The following BCAS3 variants were observed in gnomAD, a reference collection of about 807,000 sequenced individuals.
BCAS3 encodes the protein BCAS3 microtubule associated cell migration factor.
In BCAS3, 53 loss-of-function variants were observed where a neutral mutation model predicts 116.1. The observed-to-expected ratio is 0.46, with a 90% CI of 0.37 to 0.57. The LOEUF (loss-of-function observed/expected upper bound fraction) is 0.57. BCAS3 is among the 20% of genes least tolerant of loss of function. BCAS3 has a pLI of 0.00. For missense variants in BCAS3, 917 were observed against 1,165.4 expected (o/e 0.79, Z 3.10); for synonymous variants, 391 against 408.2 (o/e 0.96, Z 0.51).
intron 22 of BCAS3, among the ~76,000 whole-genome samples, chr17:61,123,027 C>T (rs150673461): frequency 2.9e-3 from 433 of 151,752 alleles, no homozygotes; most frequent in Non-Finnish European, 4.3e-3. Context: ...CTGCAACCTC[C>T]TCCTCCCTGG....
At chr17:61,369,673 C>G (rs576878724) in intron 23 of BCAS3, among the ~76,000 whole-genome samples, 4 of 152,190 alleles carry the variant, frequency 2.6e-5, no homozygotes, top group Non-Finnish European at 4.4e-5. Context: ...CCGTGGTGCT[C>G]CTGTAATAAC....
intron 22 of BCAS3, among the ~76,000 whole-genome samples, chr17:61,280,711 T>C (rs983237818): frequency 1.3e-5 from 2 of 152,232 alleles, no homozygotes; most frequent in African/African-American, 4.8e-5. Flanking sequence ...GTTGTGTGTG[T>C]GTTCAGCAAG....
chr17:60,804,855 TTTAG>T (rs1269084423), intron 6 of BCAS3, among the ~76,000 whole-genome samples: 2 of 152,146 alleles, frequency 1.3e-5, no homozygotes, highest in African/African-American at 2.4e-5. Flanking sequence ...TGTAGTTAAA[TTTAG>T]TTATATAGTC....
At position 61,248,688 on chromosome 17, in the gene BCAS3, G is replaced by A. The variant is rs1404061329; in HGVS notation, c.2426-119639G>A. On this transcript the variant is annotated intron_variant, in intron 22 of 23. Transcript: ENST00000407086. The surrounding 1 kb of genome is among the most constrained non-coding windows in gnomAD (Gnocchi z 4.3). Reference sequence around the variant, plus strand: ...AGCTTTGTGGCAGATGACCAACCCTGATAGCCTGATTTTTAAGGCCCCTAA... The same window carrying A: ...AGCTTTGTGGCAGATGACCAACCCTAATAGCCTGATTTTTAAGGCCCCTAA... Among the ~76,000 whole-genome samples the A allele has an allele frequency of 6.6e-6, 1 of 152,136 alleles. No individual in the cohort carries two copies. Among genetic ancestry groups the A allele is most frequent in the African/African-American group, 2.4e-5 (1 of 41,424 alleles).
intron 22 of BCAS3, among the ~76,000 whole-genome samples, chr17:61,263,732 AT>A (rs1488979156): frequency 6.6e-6 from 1 of 152,234 alleles, no homozygotes; most frequent in Non-Finnish European, 1.5e-5. Context: ...ATTAACATGT[AT>A]TATAAAGCTG....
chr17:61,254,687 G>A (rs1273998272), intron 22 of BCAS3, among the ~76,000 whole-genome samples: 1 of 145,672 alleles, frequency 6.9e-6, no homozygotes, highest in African/African-American at 2.6e-5. Context: ...TGAGGTAAGA[G>A]AATCACTTGA....
intron 6 of BCAS3, among the ~76,000 whole-genome samples, 188 bp downstream of exon 6, chr17:60,747,467 C>A (rs1243688267): frequency 6.6e-6 from 1 of 152,208 alleles, no homozygotes; most frequent in Non-Finnish European, 1.5e-5. Flanking sequence ...TTAACCAATT[C>A]AATATGGCCA....
At position 60,889,706 on chromosome 17, in the gene BCAS3, T is replaced by C. The variant is rs1237716582; in HGVS notation, c.673T>C (p.Cys225Arg). 1 of 1,613,132 alleles carries C rather than the reference T, an allele frequency of 6.2e-7. No individual in the cohort carries two copies. Among genetic ancestry groups the C allele is most frequent in the Non-Finnish European group, 8.5e-7 (1 of 1,179,838 alleles). ...TTGAAATTTTTCAGGCTGCTATCCATGTCCAGGGCCAAACATGAATCCTAT... is the reference window on the plus strand; with the variant it reads ...TTGAAATTTTTCAGGCTGCTATCCACGTCCAGGGCCAAACATGAATCCTAT... ...KKFFVTSCYPCPGPNMNPIAL... is the reference protein window; with the variant it reads ...KKFFVTSCYPRPGPNMNPIAL... The change falls in exon 10 of 24, where the codon TGT (cysteine) becomes CGT (arginine). Residue 225 changes from cysteine (C) to arginine (R), a missense_variant. Physicochemically the swap from Cys to Arg is radical, Grantham distance 180. Around this residue, in one of 3 missense-constraint regions of BCAS3, gnomAD observed 807 missense variants for 1,026.0 expected, o/e 0.79. Transcript: ENST00000407086.
intron 6 of BCAS3, among the ~76,000 whole-genome samples, chr17:60,784,725 C>T (rs2046139366): frequency 6.6e-6 from 1 of 152,154 alleles, no homozygotes. Flanking sequence ...ATACATGCTA[C>T]TGTGCCTGGT....
intron 7 of BCAS3, among the ~76,000 whole-genome samples, chr17:60,866,807 C>A (rs1379375255): frequency 1.3e-5 from 2 of 152,038 alleles, no homozygotes; most frequent in Non-Finnish European, 2.9e-5. Flanking sequence ...TTTTTGAACA[C>A]TTTGACCAGA....
intron 12 of BCAS3, 89 bp from the exon 13 acceptor site, chr17:60,924,318 G>A: frequency 9.7e-7 from 1 of 1,032,142 alleles, no homozygotes; most frequent in South Asian, 1.3e-5. Flanking sequence ...TATTTGGTCA[G>A]TGGTTTGTGA....
chr17:61,095,844 TACACAC>T lies in BCAS3; in HGVS notation c.2425+11304_2425+11309del, dbSNP rs10671633. ...AAAACCACTGGTATGCATATTCTCG[TACACAC>T]ACACACACACACACACACACACATT... is the stretch of plus-strand genomic sequence containing the variant. On this transcript the variant is annotated intron_variant, in intron 22 of 23. Coordinates refer to ENST00000407086, the MANE Select transcript of BCAS3 (RefSeq NM_017679.5). This position sits in a 1 kb window ranked among gnomAD's most constrained non-coding sequence, Gnocchi z 4.7. 4.8e-5 allele frequency among the ~76,000 whole-genome samples: 7 copies of T among 146,272 alleles called. No individual in the cohort carries two copies. The highest frequency in any genetic ancestry group is 7.5e-5 in the African/African-American group (3 of 39,968).
chr17:61,368,461 T>G lies in BCAS3; in HGVS notation c.2560T>G (p.Ser854Ala), dbSNP rs1216011997. ...GCGACTTGCCGACGCCATGGCCGAG[T>G]CACCTAGCCGGGACGTCGTGGGATC... ...RERLADAMAE[S>A]PSRDVVGSGT... is the part of the protein sequence containing the mutation. Residue 854 changes from serine to alanine, a missense_variant, in exon 23 of 24, where the codon TCA (serine) becomes GCA (alanine). Ser to Ala is a moderately conservative substitution (Grantham distance 99). Around this residue, in one of 3 missense-constraint regions of BCAS3, gnomAD observed 109 missense variants for 122.8 expected, o/e 0.89. Transcript: ENST00000407086. The surrounding 1 kb of genome is among the most constrained non-coding windows in gnomAD (Gnocchi z 6.0). 1 of 1,610,902 alleles carries G rather than the reference T, an allele frequency of 6.2e-7. No homozygotes were observed.
At chr17:60,831,326 G>C (rs1395682131) in intron 7 of BCAS3, among the ~76,000 whole-genome samples, 1 of 151,796 alleles carries the variant, frequency 6.6e-6, no homozygotes, top group South Asian at 2.1e-4. Flanking sequence ...ACAGGCGCGT[G>C]CCACCACGCC....
chr17:61,324,330 T>C lies in BCAS3; in HGVS notation c.2426-43997T>C, dbSNP rs2055555449. Among the ~76,000 whole-genome samples, 1 of 152,178 alleles carries C rather than the reference T, an allele frequency of 6.6e-6. No homozygotes were observed. The highest frequency in any genetic ancestry group is 2.4e-5 in the African/African-American group (1 of 41,430). ...TGTGAGGTGATCACACAGAGGATAC[T>C]AGAACTAGGATTAGACTAAGGCAGA... On this transcript the variant is annotated intron_variant, in intron 22 of 23. Transcript: ENST00000407086. The surrounding 1 kb of genome is among the most constrained non-coding windows in gnomAD (Gnocchi z 4.6).
At chr17:60,955,690 T>A (rs1276316953) in intron 14 of BCAS3, among the ~76,000 whole-genome samples, 1 of 152,170 alleles carries the variant, frequency 6.6e-6, no homozygotes. Flanking sequence ...GGCTGGAGAC[T>A]GAATTTTTAT....
chr17:60,787,511 A>G (rs1478563275), intron 6 of BCAS3, among the ~76,000 whole-genome samples: 1 of 152,206 alleles, frequency 6.6e-6, no homozygotes, highest in Non-Finnish European at 1.5e-5. Flanking sequence ...TGTTATGAAC[A>G]TTCTCATGCA....
rs2066203091 is a variant in BCAS3, at chr17:61,025,786, C to T, written c.1638-8880C>T. Among the ~76,000 whole-genome samples, 4 of 152,148 alleles carry T rather than the reference C, an allele frequency of 2.6e-5. No homozygotes were observed. In the South Asian group the frequency reaches 8.3e-4, roughly 32 times the overall value. Reference sequence around the variant, plus strand: ...TTTCTTCTAGTTATCTCTTGCGTGTCTCTGTTCCTTTCTTTGTATATAATG... The same window carrying T: ...TTTCTTCTAGTTATCTCTTGCGTGTTTCTGTTCCTTTCTTTGTATATAATG... On this transcript the variant is annotated intron_variant, in intron 16 of 23. Coordinates refer to ENST00000407086, the MANE Select transcript of BCAS3 (RefSeq NM_017679.5).
At chr17:60,744,658 G>C (rs1331938231) in intron 5 of BCAS3, among the ~76,000 whole-genome samples, 2 of 152,020 alleles carry the variant, frequency 1.3e-5, no homozygotes, top group Non-Finnish European at 2.9e-5. Flanking sequence ...AATATATTCA[G>C]AAATATCTAT....
Sources: gnomAD v4.1 joint callset for allele counts (sites outside exome capture counted in the v4.1 genomes callset) on GRCh38, gnomAD v4.1.1 for gene constraint, gnomAD v4.1.1 regional missense constraint, Gnocchi (gnomAD v3.1) non-coding constraint, MANE v1.5 for transcripts, NCBI Gene and HGNC (gene_info 2026-07-23, HGNC 2026-07-21) for gene names.